The following ZNF385D variants were observed in gnomAD, a reference collection of about 807,000 sequenced individuals.
ZNF385D encodes the protein zinc finger protein 659.
A neutral mutation model predicts 35.8 loss-of-function variants in ZNF385D; 15 were observed. That is an observed-to-expected ratio of 0.42 (90% CI 0.28 to 0.64). The LOEUF is 0.64. Among genes scored for constraint, ZNF385D ranks in the 30% least tolerant of loss-of-function variants. The pLI is 0.23. For synonymous variants in ZNF385D, 212 were observed against 186.8 expected (o/e 1.13, Z -1.10); for missense variants, 474 against 494.6 (o/e 0.96, Z 0.39).
At chr3:21,562,274 ATAT>A (rs1351435477) in intron 3 of ZNF385D, among the ~76,000 whole-genome samples, 4 of 152,316 alleles carry the variant, frequency 2.6e-5, no homozygotes, top group Admixed American at 6.5e-5. Flanking sequence ...ATATCAATTT[ATAT>A]TATTGTTAAA....
chr3:22,007,151 C>T (rs1007597992), intron 3 of ZNF385D, among the ~76,000 whole-genome samples: 5 of 152,180 alleles, frequency 3.3e-5, no homozygotes, highest in African/African-American at 1.2e-4. Context: ...CTCATCCATA[C>T]ACCTTCTACT....
rs183593453 is a variant in ZNF385D at position 22,175,969 on chromosome 3, T to C, written c.107-6934A>G. Among the ~76,000 whole-genome samples, 209 of 150,600 alleles carry C rather than the reference T, an allele frequency of 1.4e-3. 2 individuals are homozygous for C. The South Asian group carries it at 0.029, about 21-fold the overall frequency. On this transcript the variant is annotated intron_variant, in intron 2 of 5. Transcript: ENST00000494108. The stretch of plus-strand genomic sequence containing the variant: ...ACATTAGCATTTGAGAAAATTATAG[T>C]GGGTCACAATATCTTCTATATTTCA...
chr3:21,932,312 T>C (rs1391201811), intron 3 of ZNF385D, among the ~76,000 whole-genome samples: 1 of 152,012 alleles, frequency 6.6e-6, no homozygotes, highest in Non-Finnish European at 1.5e-5. Flanking sequence ...TAAATGTTCC[T>C]AAATCTAGAA....
intron 3 of ZNF385D, among the ~76,000 whole-genome samples, chr3:21,787,111 TAAAG>T (rs1448771502): frequency 2.0e-5 from 3 of 151,044 alleles, no homozygotes; most frequent in Non-Finnish European, 4.4e-5. Context: ...TTTTGGAAGA[TAAAG>T]AGAATGGAGG....
chr3:21,911,646 C>G (rs1699970081), intron 3 of ZNF385D, among the ~76,000 whole-genome samples: 1 of 151,692 alleles, frequency 6.6e-6, no homozygotes, highest in Admixed American at 6.6e-5. Context: ...GAAATAGTAG[C>G]TATATTGCAG....
chr3:21,857,959 G>A (rs13074821), intron 3 of ZNF385D, among the ~76,000 whole-genome samples: 62,832 of 151,540 alleles, frequency 0.41, 13,785 homozygotes, highest in Non-Finnish European at 0.48. Flanking sequence ...TGCAATCCAG[G>A]GCCAGGCATG....
At chr3:21,530,782 G>T (rs1375568031) in intron 3 of ZNF385D, among the ~76,000 whole-genome samples, 1 of 152,124 alleles carries the variant, frequency 6.6e-6, no homozygotes, top group Non-Finnish European at 1.5e-5. Flanking sequence ...AGGAAAAGAA[G>T]AAGGAAGAGA....
chr3:21,605,103 G>C (rs951548736), intron 2 of ZNF385D, among the ~76,000 whole-genome samples: 9 of 152,246 alleles, frequency 5.9e-5, no homozygotes, highest in Admixed American at 5.2e-4. Flanking sequence ...AGAAATGAAA[G>C]GCATGTATGG....
At chr3:22,099,933 T>G (rs1044177931) in intron 3 of ZNF385D, among the ~76,000 whole-genome samples, 2 of 152,018 alleles carry the variant, frequency 1.3e-5, no homozygotes, top group African/African-American at 4.8e-5. Context: ...CAGGATTAAG[T>G]GTCAGTTCTT....
intron 2 of ZNF385D, among the ~76,000 whole-genome samples, chr3:22,289,051 T>C (rs953664056): frequency 1.6e-4 from 25 of 152,150 alleles, no homozygotes; most frequent in African/African-American, 5.5e-4. Context: ...GGGTGTTAGA[T>C]GTTTGTTCTA....
chr3:22,266,788 A>G (rs1700918826), intron 2 of ZNF385D, among the ~76,000 whole-genome samples: 1 of 151,920 alleles, frequency 6.6e-6, no homozygotes, highest in African/African-American at 2.4e-5. Context: ...CTGCTCAGAT[A>G]TTATCGGTAA....
Position 21,751,093 on chromosome 3 carries a change from C to A in ZNF385D, c.-177G>T. ...ATGAGCGCCTTGCAGGCTGCCTTTCCAGGGCTAAGATCCCCGGCGGCTGGA... is the reference window on the plus strand; with the variant it reads ...ATGAGCGCCTTGCAGGCTGCCTTTCAAGGGCTAAGATCCCCGGCGGCTGGA... On this transcript the variant is annotated 5_prime_UTR_variant, in exon 1 of 8. Transcript: ENST00000281523. 1 of 1,494,148 alleles carries A rather than the reference C, an allele frequency of 6.7e-7. No homozygotes were observed. The highest frequency in any genetic ancestry group is 8.9e-7 in the Non-Finnish European group (1 of 1,120,354). 92.6% of individuals were successfully genotyped at this position (1,494,148 alleles called of 1,614,324 possible). A position where few individuals can be genotyped will look rare whatever the true frequency, so the allele number is the denominator to read the frequency against.
chr3:21,635,685 T>A (rs936426720), intron 2 of ZNF385D, among the ~76,000 whole-genome samples: 1 of 152,064 alleles, frequency 6.6e-6, no homozygotes, highest in Non-Finnish European at 1.5e-5. Flanking sequence ...GAACCGAATT[T>A]GTAGTCTTTT....
intron 4 of ZNF385D, among the ~76,000 whole-genome samples, chr3:21,456,834 C>G (rs1014816761): frequency 6.6e-6 from 1 of 152,146 alleles, no homozygotes; most frequent in African/African-American, 2.4e-5. Flanking sequence ...CATCCCCTTA[C>G]CATCTTCAAG....
intron 3 of ZNF385D, among the ~76,000 whole-genome samples, chr3:21,798,259 C>T (rs558653696): frequency 5.6e-4 from 85 of 152,302 alleles, no homozygotes; most frequent in African/African-American, 1.9e-3. Flanking sequence ...TCTGGTTCTT[C>T]GGCGCATGGC....
chr3:21,973,939 A>C (rs1012443620), intron 3 of ZNF385D, among the ~76,000 whole-genome samples: 3 of 152,108 alleles, frequency 2.0e-5, no homozygotes. Context: ...AAAAATGAAA[A>C]GGTATTCTAT....
At chr3:21,552,281 T>C (rs2062593534) in intron 3 of ZNF385D, among the ~76,000 whole-genome samples, 1 of 152,206 alleles carries the variant, frequency 6.6e-6, no homozygotes, top group Non-Finnish European at 1.5e-5. Flanking sequence ...TTCTTACATA[T>C]GGATCAATTG....
At chr3:22,208,200 A>G (rs1226571476) in intron 2 of ZNF385D, among the ~76,000 whole-genome samples, 1 of 151,976 alleles carries the variant, frequency 6.6e-6, no homozygotes, top group Non-Finnish European at 1.5e-5. Context: ...GTGTCCATCA[A>G]GACTCAAATG....
chr3:21,933,647 A>T (rs1341412085), intron 3 of ZNF385D, among the ~76,000 whole-genome samples: 1 of 152,188 alleles, frequency 6.6e-6, no homozygotes, highest in Non-Finnish European at 1.5e-5. Flanking sequence ...AATCTATATT[A>T]ATTTCTGTAT....
Sources: allele counts gnomAD v4.1 joint callset (sites outside exome capture counted in the v4.1 genomes callset), GRCh38; gene constraint gnomAD v4.1.1; transcripts MANE v1.5; gene names NCBI Gene and HGNC (gene_info 2026-07-23, HGNC 2026-07-21).